Variants in SLC71A2 observed in about 807,000 individuals in gnomAD.
SLC71A2 encodes the protein hippocampus abundant transcript-like 1.
At chr9:94,418,753 AATTC>A in the SLC71A2 span, among the ~76,000 whole-genome samples, 3 of 131,850 alleles carry the variant, frequency 2.3e-5, no homozygotes, top group Admixed American at 7.7e-5. Flanking sequence ...ACTTTCCTTT[AATTC>A]TTTTTTTTTT....
At chr9:94,382,199 T>A in the SLC71A2 span, among the ~76,000 whole-genome samples, 2 of 151,852 alleles carry the variant, frequency 1.3e-5, no homozygotes, top group African/African-American at 2.4e-5. Context: ...GCTAATTTTT[T>A]AATTTTTTAT....
chr9:94,443,501 C>T, the SLC71A2 span, among the ~76,000 whole-genome samples: 1 of 151,980 alleles, frequency 6.6e-6, no homozygotes, highest in Non-Finnish European at 1.5e-5. Flanking sequence ...TCTTTCAGGG[C>T]TACGGCAATG....
chr9:94,377,553 TA>T, the SLC71A2 span, among the ~76,000 whole-genome samples: 41 of 132,084 alleles, frequency 3.1e-4, no homozygotes, highest in African/African-American at 8.1e-4. Context: ...TTTTTTTTTT[TA>T]ATTTATTTTT....
chr9:94,377,204 C>G, the SLC71A2 span, among the ~76,000 whole-genome samples: 1 of 151,736 alleles, frequency 6.6e-6, no homozygotes, highest in South Asian at 2.1e-4. Context: ...TTTGCAGTTT[C>G]TAATGTCACC....
chr9:94,437,962 CTT>C, the SLC71A2 span, among the ~76,000 whole-genome samples: 2 of 151,218 alleles, frequency 1.3e-5, no homozygotes, highest in African/African-American at 4.9e-5. Context: ...CAGTTTTGCT[CTT>C]GTTGCCCAGC....
the SLC71A2 span, among the ~76,000 whole-genome samples, chr9:94,424,138 C>T: frequency 6.6e-6 from 1 of 152,036 alleles, no homozygotes; most frequent in Non-Finnish European, 1.5e-5. Flanking sequence ...GACAACCGTC[C>T]ATATATGGGT....
chr9:94,418,365 T>G, the SLC71A2 span, among the ~76,000 whole-genome samples: 36 of 152,332 alleles, frequency 2.4e-4, no homozygotes, highest in Non-Finnish European at 8.8e-5. Context: ...TTACCAAATT[T>G]TTAACTGCAG....
At chr9:94,447,853 C>T in the SLC71A2 span, among the ~76,000 whole-genome samples, 2 of 152,216 alleles carry the variant, frequency 1.3e-5, no homozygotes, top group African/African-American at 4.8e-5. Context: ...CCACCAACCC[C>T]TGGCAACCAC....
the SLC71A2 span, chr9:94,375,058 G>C: frequency 1.8e-6 from 1 of 542,874 alleles, no homozygotes; most frequent in Admixed American, 4.7e-5. Context: ...TCTGGGGGGG[G>C]AGGCGAATTC....
At chr9:94,418,628 G>A in the SLC71A2 span, among the ~76,000 whole-genome samples, 1 of 152,022 alleles carries the variant, frequency 6.6e-6, no homozygotes, top group Non-Finnish European at 1.5e-5. Flanking sequence ...TAGAGACAGG[G>A]TTTCACCATA....
chr9:94,454,316 T>C, the SLC71A2 span, among the ~76,000 whole-genome samples: 2 of 152,114 alleles, frequency 1.3e-5, no homozygotes, highest in Non-Finnish European at 2.9e-5. Flanking sequence ...ATCTCTCTCT[T>C]CCCTCCAGCC....
the SLC71A2 span, among the ~76,000 whole-genome samples, chr9:94,397,302 C>T: frequency 6.6e-6 from 1 of 152,118 alleles, no homozygotes; most frequent in Non-Finnish European, 1.5e-5. Flanking sequence ...GAGCCAGTGT[C>T]CATGCACTAT....
the SLC71A2 span, chr9:94,460,131 G>T: frequency 1.3e-5 from 2 of 152,310 alleles, no homozygotes; most frequent in Admixed American, 6.6e-5. Flanking sequence ...TGGTGTCCTG[G>T]TTGGGTCCAA....
At chr9:94,390,672 T>G in the SLC71A2 span, among the ~76,000 whole-genome samples, 2 of 152,378 alleles carry the variant, frequency 1.3e-5, no homozygotes, top group African/African-American at 4.8e-5. Context: ...TTGTCTAGTG[T>G]AGACATGCCT....
At chr9:94,400,717 T>C in the SLC71A2 span, among the ~76,000 whole-genome samples, 1 of 152,228 alleles carries the variant, frequency 6.6e-6, no homozygotes, top group South Asian at 2.1e-4. Context: ...TCTCCACCTC[T>C]GAAATGTTTT....
At chr9:94,444,812 G>C in the SLC71A2 span, 1 of 635,888 alleles carries the variant, frequency 1.6e-6, no homozygotes, top group Non-Finnish European at 2.8e-6. Context: ...TTAAAGCCAG[G>C]GAAGCATGGC....
chr9:94,397,939 A>G, the SLC71A2 span, among the ~76,000 whole-genome samples: 2 of 152,172 alleles, frequency 1.3e-5, 1 homozygote, highest in South Asian at 4.1e-4. Flanking sequence ...ACCCGTTTCT[A>G]TACTGTACAC....
the SLC71A2 span, among the ~76,000 whole-genome samples, chr9:94,403,395 C>T: frequency 6.6e-6 from 1 of 151,870 alleles, no homozygotes; most frequent in African/African-American, 2.4e-5. Flanking sequence ...ACCTCGGCCT[C>T]CCAAAGTGCT....
chr9:94,397,065 C>T, the SLC71A2 span, among the ~76,000 whole-genome samples: 6 of 152,160 alleles, frequency 3.9e-5, no homozygotes, highest in South Asian at 4.1e-4. Context: ...CCACCGTGCC[C>T]GGCCTCTAAC....
Sources: gnomAD v4.1 joint callset for allele counts (sites outside exome capture counted in the v4.1 genomes callset) on GRCh38, gnomAD v4.1.1 for gene constraint, MANE v1.5 for transcripts, NCBI Gene and HGNC (gene_info 2026-07-23, HGNC 2026-07-21) for gene names.